KCNB2: variants seen among roughly 807,000 people sequenced by gnomAD.
The protein encoded by KCNB2 is potassium voltage-gated channel subfamily B member 2.
A neutral mutation model predicts 61.5 loss-of-function variants in KCNB2; 15 were observed. That is an observed-to-expected ratio of 0.24 (90% CI 0.16 to 0.38). The LOEUF is 0.38. Ranked by LOEUF, KCNB2 falls within the 10% of genes least tolerant of loss-of-function variation. KCNB2 has a pLI of 1.00. For synonymous variants in KCNB2, 457 were observed against 446.0 expected (o/e 1.02, Z -0.31); for missense variants, 828 against 1,125.2 (o/e 0.74, Z 3.78).
At chr8:72,801,512 C>T (rs1585901353) in intron 2 of KCNB2, among the ~76,000 whole-genome samples, 1 of 152,246 alleles carries the variant, frequency 6.6e-6, no homozygotes, top group East Asian at 1.9e-4. Context: ...TCCACCATAC[C>T]TAATTTTTTT....
At chr8:72,837,735 T>A (rs1336727726) in intron 2 of KCNB2, among the ~76,000 whole-genome samples, 1 of 152,104 alleles carries the variant, frequency 6.6e-6, no homozygotes, top group Admixed American at 6.6e-5. Flanking sequence ...ATCAACCCCA[T>A]AGCAATGAAA....
intron 2 of KCNB2, among the ~76,000 whole-genome samples, chr8:72,753,270 G>C (rs1808230483): frequency 6.6e-6 from 1 of 152,166 alleles, no homozygotes; most frequent in African/African-American, 2.4e-5. Context: ...GCTTACTAAT[G>C]AGTTTACGTT....
chr8:72,826,005 C>T (rs1411175640), intron 2 of KCNB2, among the ~76,000 whole-genome samples: 1 of 152,096 alleles, frequency 6.6e-6, no homozygotes, highest in East Asian at 1.9e-4. Context: ...ATTACCTTTT[C>T]TTTTAAGAGC....
chr8:72,755,280 A>G (rs1277069767), intron 2 of KCNB2, among the ~76,000 whole-genome samples: 1 of 152,230 alleles, frequency 6.6e-6, no homozygotes, highest in African/African-American at 2.4e-5. Flanking sequence ...ATGCTGCCAC[A>G]GAAAAAGGAC....
At chr8:72,757,049 G>A (rs183229403) in intron 2 of KCNB2, among the ~76,000 whole-genome samples, 31 of 152,212 alleles carry the variant, frequency 2.0e-4, no homozygotes, top group Admixed American at 8.5e-4. Context: ...TAGAAGCTTG[G>A]GAGTCAATGA....
chr8:72,654,280 A>G (rs1806257077), intron 2 of KCNB2, among the ~76,000 whole-genome samples: 1 of 152,114 alleles, frequency 6.6e-6, no homozygotes, highest in African/African-American at 2.4e-5. Flanking sequence ...TACATCCAAC[A>G]TTTTCTATGA....
chr8:72,676,656 A>T (rs1281468283), intron 2 of KCNB2, among the ~76,000 whole-genome samples: 1 of 152,056 alleles, frequency 6.6e-6, no homozygotes, highest in East Asian at 1.9e-4. Context: ...CTGAAGAAAA[A>T]GTATTAACTA....
At chr8:72,726,194 A>G (rs1022930516) in intron 2 of KCNB2, among the ~76,000 whole-genome samples, 4 of 152,200 alleles carry the variant, frequency 2.6e-5, no homozygotes, top group African/African-American at 4.8e-5. Flanking sequence ...AAGAGACACC[A>G]GAGAGCTTGC....
chr8:72,933,021 T>C (rs1336383434), intron 2 of KCNB2, among the ~76,000 whole-genome samples: 1 of 152,182 alleles, frequency 6.6e-6, no homozygotes, highest in Non-Finnish European at 1.5e-5. Context: ...TTTTGACAAA[T>C]TGAATTTCAA....
chr8:72,612,760 A>G, intron 2 of KCNB2, among the ~76,000 whole-genome samples: 1 of 152,186 alleles, frequency 6.6e-6, no homozygotes, highest in East Asian at 1.9e-4. Flanking sequence ...TCCTGAGGCA[A>G]GTATGATTTT....
intron 1 of KCNB2, among the ~76,000 whole-genome samples, chr8:72,540,003 G>T (rs1353920396): frequency 6.6e-6 from 1 of 152,166 alleles, no homozygotes; most frequent in Non-Finnish European, 1.5e-5. Flanking sequence ...GAGTGTGTCT[G>T]TCCACGTGTT....
At chr8:72,701,075 G>C (rs1383783122) in intron 2 of KCNB2, among the ~76,000 whole-genome samples, 1 of 152,064 alleles carries the variant, frequency 6.6e-6, no homozygotes, top group Admixed American at 6.6e-5. Context: ...AAGACAACTA[G>C]AGGTGGGAGG....
chr8:72,898,310 G>T (rs1806025195), intron 2 of KCNB2, among the ~76,000 whole-genome samples: 1 of 151,906 alleles, frequency 6.6e-6, no homozygotes, highest in Admixed American at 6.6e-5. Context: ...GGGAAGGGGG[G>T]AGGGATAGCA....
At chr8:72,862,773 T>C (rs866699182) in intron 2 of KCNB2, among the ~76,000 whole-genome samples, 1 of 152,208 alleles carries the variant, frequency 6.6e-6, no homozygotes, top group South Asian at 2.1e-4. Context: ...CTTTCATTTT[T>C]ACTTCTCAAT....
intron 2 of KCNB2, among the ~76,000 whole-genome samples, chr8:72,917,381 T>C (rs1481397218): frequency 1.8e-5 from 2 of 111,520 alleles, no homozygotes; most frequent in Non-Finnish European, 4.0e-5. Flanking sequence ...TATTATAATG[T>C]TCAGATGTTT....
chr8:72,591,759 T>C (rs1807103479), intron 2 of KCNB2, among the ~76,000 whole-genome samples: 1 of 152,114 alleles, frequency 6.6e-6, no homozygotes, highest in Non-Finnish European at 1.5e-5. Flanking sequence ...TTGTCATATC[T>C]CATTCAACTT....
At chr8:72,574,428 A>G (rs147189293) in intron 2 of KCNB2, among the ~76,000 whole-genome samples, 8 of 152,312 alleles carry the variant, frequency 5.3e-5, no homozygotes, top group African/African-American at 9.6e-5. Context: ...TATTAATAGC[A>G]TCTCTTTTTA....
chr8:72,603,686 C>T (rs1805398399), intron 2 of KCNB2, among the ~76,000 whole-genome samples: 1 of 152,106 alleles, frequency 6.6e-6, no homozygotes, highest in Non-Finnish European at 1.5e-5. Context: ...CCTCATCCTT[C>T]TAAAAACTCA....
At chr8:72,718,394 G>A (rs946191104) in intron 2 of KCNB2, among the ~76,000 whole-genome samples, 35 of 152,118 alleles carry the variant, frequency 2.3e-4, no homozygotes, top group Non-Finnish European at 4.6e-4. Context: ...ATTCACAATA[G>A]CAAAGACTTG....
Sources: gnomAD v4.1 joint callset for allele counts (sites outside exome capture counted in the v4.1 genomes callset) on GRCh38, gnomAD v4.1.1 for gene constraint, MANE v1.5 for transcripts, NCBI Gene and HGNC (gene_info 2026-07-23, HGNC 2026-07-21) for gene names.